LGR5: variants seen among roughly 807,000 people sequenced by gnomAD.
LGR5 encodes the protein leucine-rich repeat-containing G protein-coupled receptor 5.
LGR5 carries 54 observed loss-of-function variants against 76.7 expected under a neutral mutation model. The ratio of observed to expected loss-of-function variants is 0.70; its 90% CI spans 0.57 to 0.88. The LOEUF is 0.88. Ranked by LOEUF, LGR5 falls within the 40% of genes least tolerant of loss-of-function variation. The pLI, the probability that LGR5 is intolerant of heterozygous loss-of-function variation, is 0.00. For synonymous variants in LGR5, 406 were observed against 421.9 expected (o/e 0.96, Z 0.46); for missense variants, 1,078 against 1,073.3 (o/e 1.00, Z -0.06).
intron 1 of LGR5, among the ~76,000 whole-genome samples, chr12:71,485,110 A>G (rs1412399976): frequency 1.3e-5 from 2 of 152,208 alleles, no homozygotes; most frequent in Non-Finnish European, 2.9e-5. Flanking sequence ...TAAAAACATT[A>G]AGGGATTCTA....
At chr12:71,535,828 T>C (rs935757888) in intron 4 of LGR5, among the ~76,000 whole-genome samples, 5 of 152,168 alleles carry the variant, frequency 3.3e-5, no homozygotes, top group African/African-American at 1.2e-4. Context: ...TTCCCTACTC[T>C]GAATCCACAA....
intron 3 of LGR5, among the ~76,000 whole-genome samples, chr12:71,529,624 C>T (rs564818949): frequency 6.6e-6 from 1 of 152,176 alleles, no homozygotes; most frequent in African/African-American, 2.4e-5. Context: ...GGCTTTTGAT[C>T]ACGTTATTTT....
intron 4 of LGR5, among the ~76,000 whole-genome samples, chr12:71,542,564 G>A (rs1213273271): frequency 6.6e-6 from 1 of 152,194 alleles, no homozygotes; most frequent in East Asian, 1.9e-4. Context: ...GTTAGGGACG[G>A]TGGAGATGAA....
Position 71,583,819 on chromosome 12 carries a change from C to T in LGR5, c.1809C>T (p.Asn603=). The T allele has an allele frequency of 6.2e-7, 1 of 1,614,168 alleles. No homozygotes were observed. Among genetic ancestry groups the T allele is most frequent in the Non-Finnish European group, 8.5e-7 (1 of 1,180,042 alleles). Residue 603 remains asparagine, a synonymous_variant, in exon 18 of 18, where the codon AAC becomes AAT. Coordinates refer to ENST00000266674, the MANE Select transcript of LGR5 (RefSeq NM_003667.4). The part of the protein sequence containing the change: ...KLLIGVIAAV[N]MLTGVSSAVL... ...TAATTGGGGTCATCGCAGCAGTGAA[C>T]ATGCTCACGGGAGTCTCCAGTGCCG...
chr12:71,548,424 A>G (rs956384597), intron 4 of LGR5, among the ~76,000 whole-genome samples: 6 of 152,086 alleles, frequency 3.9e-5, no homozygotes, highest in African/African-American at 9.7e-5. Flanking sequence ...AGTTATTTCT[A>G]TTATGAGGGT....
chr12:71,567,013 G>A lies in LGR5; in HGVS notation c.1070+101G>A, dbSNP rs569215468. On this transcript the variant is annotated intron_variant, in intron 11 of 17. Transcript: ENST00000266674. The stretch of plus-strand genomic sequence containing the variant: ...AATAATCTCTTTAAAAGAGGAGAAA[G>A]TTTTTCCTTTCAGGTCTGCAGGAGG... The A allele has an allele frequency of 1.7e-5, 17 of 1,002,414 alleles. No individual in the cohort carries two copies. In the East Asian group the frequency reaches 3.6e-4, roughly 21 times the overall value. 62.1% of individuals were successfully genotyped at this position (1,002,414 alleles called of 1,614,324 possible).
At chr12:71,476,393 T>C (rs1873337563) in intron 1 of LGR5, among the ~76,000 whole-genome samples, 1 of 152,188 alleles carries the variant, frequency 6.6e-6, no homozygotes, top group African/African-American at 2.4e-5. Context: ...GTGTCTACTC[T>C]AGGGTTCAAG....
At chr12:71,556,361 T>A (rs577269219) in intron 5 of LGR5, among the ~76,000 whole-genome samples, 24 of 152,216 alleles carry the variant, frequency 1.6e-4, no homozygotes, top group Non-Finnish European at 2.9e-4. Context: ...AAGTTACTTA[T>A]ATCAATTATG....
intron 3 of LGR5, among the ~76,000 whole-genome samples, chr12:71,524,798 A>G (rs61925788): frequency 0.056 from 8,530 of 152,220 alleles, 340 homozygotes; most frequent in Non-Finnish European, 0.086. Flanking sequence ...CTTCAAAAGC[A>G]TTTTGATGAC....
chr12:71,498,051 G>GGGGGGAGCAGAAGGAAAAAGAGGA (rs2137292475), intron 1 of LGR5, among the ~76,000 whole-genome samples: 1 of 152,252 alleles, frequency 6.6e-6, no homozygotes, highest in East Asian at 1.9e-4. Flanking sequence ...GAGAAAAGAA[G>GGGGGGAGCAGAAGGAAAAAGAGGA]GGGGGAGCAG....
At position 71,481,903 on chromosome 12, in the gene LGR5, AACAG is replaced by A. The variant is rs1289005422; in HGVS notation, c.213-22707_213-22704del. Among the ~76,000 whole-genome samples, 18 of 152,296 alleles carry A rather than the reference AACAG, an allele frequency of 1.2e-4. No homozygotes were observed. In the East Asian group the frequency reaches 3.3e-3, roughly 28 times the overall value. On this transcript the variant is annotated intron_variant, in intron 1 of 17. Transcript: ENST00000266674. Reference sequence around the variant, plus strand: ...CAGCTCAGAATTATTTAACAGACATAACAGACACTCAATGACACAACACCAGAGT... The same window carrying A: ...CAGCTCAGAATTATTTAACAGACATAACACTCAATGACACAACACCAGAGT...
At chr12:71,461,658 C>T (rs1242834691) in intron 1 of LGR5, among the ~76,000 whole-genome samples, 1 of 152,086 alleles carries the variant, frequency 6.6e-6, no homozygotes, top group Non-Finnish European at 1.5e-5. Context: ...CCCTCTCTAC[C>T]AACATTCTTG....
intron 4 of LGR5, among the ~76,000 whole-genome samples, chr12:71,542,369 G>T (rs1876920882): frequency 6.6e-6 from 1 of 152,198 alleles, no homozygotes; most frequent in Admixed American, 6.5e-5. Context: ...AGACGTGCAA[G>T]AAGAGCACAT....
intron 8 of LGR5, among the ~76,000 whole-genome samples, chr12:71,565,309 C>G (rs1274708177): frequency 2.0e-5 from 3 of 151,580 alleles, no homozygotes; most frequent in Non-Finnish European, 4.4e-5. Context: ...AATTGAGGCT[C>G]TAGGAGGTAA....
intron 8 of LGR5, among the ~76,000 whole-genome samples, chr12:71,565,787 C>T (rs1222187286): frequency 6.6e-6 from 1 of 151,788 alleles, no homozygotes; most frequent in Non-Finnish European, 1.5e-5. Context: ...GTATATGGCA[C>T]TCCATTGACC....
Position 71,567,634 on chromosome 12 carries a change from A to G in LGR5, c.1070+722A>G, listed in dbSNP as rs182772759. ...CACCTGTGGCAATTGAGCGCCTGCA[A>G]TTTCACTATAAGCTTTACTTAGCAG... is the stretch of plus-strand genomic sequence containing the variant. On this transcript the variant is annotated intron_variant, in intron 11 of 17. Transcript: ENST00000266674. Among the ~76,000 whole-genome samples, 33 of 152,180 alleles carry G rather than the reference A, an allele frequency of 2.2e-4. No homozygotes were observed. In the East Asian group the frequency reaches 6.0e-3, roughly 28 times the overall value.
chr12:71,525,515 C>T (rs1875951888), intron 3 of LGR5, among the ~76,000 whole-genome samples: 1 of 151,642 alleles, frequency 6.6e-6, no homozygotes, highest in South Asian at 2.1e-4. Context: ...AGCTCCGATG[C>T]ATATAGTTTC....
intron 1 of LGR5, among the ~76,000 whole-genome samples, chr12:71,443,735 T>C (rs1871865769): frequency 6.6e-6 from 1 of 152,190 alleles, no homozygotes; most frequent in African/African-American, 2.4e-5. Flanking sequence ...GACATTCAGA[T>C]AGAAAACTGA....
chr12:71,550,994 A>G (rs1024286470), intron 4 of LGR5, among the ~76,000 whole-genome samples: 4 of 152,232 alleles, frequency 2.6e-5, no homozygotes, highest in African/African-American at 9.6e-5. Context: ...GAGAAAGGAA[A>G]GAGAGATGGT....
Sources: allele counts gnomAD v4.1 joint callset (sites outside exome capture counted in the v4.1 genomes callset), GRCh38; gene constraint gnomAD v4.1.1; transcripts MANE v1.5; gene names NCBI Gene and HGNC (gene_info 2026-07-23, HGNC 2026-07-21).